Variants in CDC7 observed in about 807,000 individuals in gnomAD.
The protein encoded by CDC7 is cell division cycle 7, also known as cell division cycle 7-related protein kinase.
Under a neutral mutation model 53.5 loss-of-function variants are expected in CDC7, and 34 were observed. The ratio of observed to expected loss-of-function variants is 0.64; its 90% confidence interval spans 0.48 to 0.85. CDC7 has a LOEUF of 0.85. CDC7 is among the 40% of genes least tolerant of loss of function. The pLI is 0.00. For missense variants in CDC7, 594 were observed against 679.7 expected (o/e 0.87, Z 1.40); for synonymous variants, 211 against 222.8 (o/e 0.95, Z 0.47).
intron 10 of CDC7, among the ~76,000 whole-genome samples, chr1:91,519,348 G>C (rs1237379911): frequency 2.0e-5 from 3 of 150,290 alleles, no homozygotes; most frequent in African/African-American, 7.3e-5. Flanking sequence ...AGAATTGCTT[G>C]AACCTGGGAG....
intron 11 of CDC7, among the ~76,000 whole-genome samples, chr1:91,521,649 T>G (rs1667953159): frequency 6.6e-6 from 1 of 152,216 alleles, no homozygotes; most frequent in Admixed American, 6.5e-5. Context: ...GAGAAAACTT[T>G]CATCTACTAT....
In CDC7 at chr1:91,524,720, CAT is replaced by C. The variant is rs141123111; in HGVS notation, c.*289_*290del. ...AGCTTCCCTAATTACCTTTCACTGA[CAT>C]ATACAGAAAAAGGAGCAGTTTTAGT... On this transcript the variant is annotated 3_prime_UTR_variant, in exon 12 of 12. Coordinates refer to ENST00000234626, the MANE Select transcript of CDC7 (RefSeq NM_003503.4). The C allele has an allele frequency of 0.014, 3,964 of 288,598 alleles. 166 individuals are homozygous for C. The highest frequency in any genetic ancestry group is 0.079 in the African/African-American group (3,616 of 45,868). The allele number at this position is 288,598 out of a possible 1,614,324, so 17.9% of individuals were successfully genotyped here.
intron 11 of CDC7, among the ~76,000 whole-genome samples, chr1:91,522,457 C>T (rs547687694): frequency 6.6e-6 from 1 of 152,114 alleles, no homozygotes; most frequent in Admixed American, 6.5e-5. Context: ...AAAGAAAAGT[C>T]TTGAGCTGAA....
intron 6 of CDC7, among the ~76,000 whole-genome samples, chr1:91,512,765 A>G (rs1667350225): frequency 1.3e-5 from 2 of 152,124 alleles, no homozygotes; most frequent in Admixed American, 1.3e-4. Context: ...TGCCACCATC[A>G]GAGAACAACG....
intron 10 of CDC7, among the ~76,000 whole-genome samples, chr1:91,518,777 G>A (rs948810695): frequency 6.6e-6 from 1 of 151,994 alleles, no homozygotes. Flanking sequence ...CAGCTGATGG[G>A]TACAAAAAAT....
In CDC7 at chr1:91,511,466, T is replaced by C. The variant is rs527292224; in HGVS notation, c.336-131T>C. The C allele has an allele frequency of 1.9e-3, 1,088 of 581,512 alleles. 30 individuals carry two copies. The South Asian group carries it at 0.027, about 15-fold the overall frequency. 36.0% of individuals were successfully genotyped at this position (581,512 alleles called of 1,614,324 possible). A position where few individuals can be genotyped will look rare whatever the true frequency, so the allele number is the denominator to read the frequency against. ...ACACAAGTCACTTGTGTTTATATTA[T>C]GTGATGATGATTTAAGTCAGTTTTC... On this transcript the variant is annotated intron_variant, in intron 4 of 11. Coordinates refer to ENST00000234626, the MANE Select transcript of CDC7 (RefSeq NM_003503.4).
At chr1:91,511,315 T>TAA (rs1461396751) in intron 4 of CDC7, among the ~76,000 whole-genome samples, 1 of 152,128 alleles carries the variant, frequency 6.6e-6, no homozygotes, top group Admixed American at 6.6e-5. Flanking sequence ...TAAGTCTTAT[T>TAA]AATCTTTTCC....
chr1:91,512,478 G>A (rs1456013558), intron 6 of CDC7, among the ~76,000 whole-genome samples: 2 of 151,900 alleles, frequency 1.3e-5, no homozygotes, highest in African/African-American at 2.4e-5. Flanking sequence ...TGAGGGGATT[G>A]GACCACATGA....
At chr1:91,518,354 G>C (rs1322215974) in intron 10 of CDC7, among the ~76,000 whole-genome samples, 1 of 152,018 alleles carries the variant, frequency 6.6e-6, no homozygotes, top group Non-Finnish European at 1.5e-5. Flanking sequence ...TAAAAATAGA[G>C]CTACTACATG....
chr1:91,507,117 T>G lies in CDC7; in HGVS notation c.116-737T>G, dbSNP rs79811803. Among the ~76,000 whole-genome samples, 681 of 152,278 alleles carry G rather than the reference T, an allele frequency of 4.5e-3. 2 individuals carry two copies. The highest frequency in any genetic ancestry group is 0.016 in the African/African-American group (651 of 41,562). Reference sequence around the variant, plus strand: ...TAGGAAGACCTCAAAAGATACTGCATGTGCCGGTGCTTTGAAAATGTCTTA... The same window carrying G: ...TAGGAAGACCTCAAAAGATACTGCAGGTGCCGGTGCTTTGAAAATGTCTTA... On this transcript the variant is annotated intron_variant, in intron 2 of 11. Coordinates refer to ENST00000234626, the MANE Select transcript of CDC7 (RefSeq NM_003503.4).
rs2102416646 is a variant in CDC7, at chr1:91,524,692, T to C, written c.*257T>C. ...AGGTGGGTTCCTATTAGGTCAGATT[T>C]TTAGCTTCCCTAATTACCTTTCACT... On this transcript the variant is annotated 3_prime_UTR_variant, in exon 12 of 12. Transcript: ENST00000234626. 1 of 363,410 alleles carries C rather than the reference T, an allele frequency of 2.8e-6. No homozygotes were observed. Among genetic ancestry groups the C allele is most frequent in the East Asian group, 4.5e-5 (1 of 22,248 alleles). The allele number at this position is 363,410 out of a possible 1,614,324, so 22.5% of individuals were successfully genotyped here. A position where few individuals can be genotyped will look rare whatever the true frequency, so the allele number is the denominator to read the frequency against.
At chr1:91,513,431 A>G (rs111394258) in intron 7 of CDC7, 124 bp downstream of exon 7, 12 of 707,890 alleles carry the variant, frequency 1.7e-5, no homozygotes, top group South Asian at 1.0e-4. Context: ...TGCATTTGTT[A>G]TATGTATTCA....
rs1461962131 is a variant in CDC7, at chr1:91,511,647, A to G, written c.386A>G (p.His129Arg). ...GVKYCFRKND[H>R]VVIAMPYLEH... is the part of the protein sequence containing the mutation. ...AAATACTGCTTTAGGAAGAATGATC[A>G]TGTAGTTATTGCTATGCCATATCTG... is the stretch of plus-strand genomic sequence containing the variant. The change falls in exon 5 of 12, where the codon CAT becomes CGT. Residue 129 changes from histidine to arginine, a missense_variant. Transcript: ENST00000234626. The G allele has an allele frequency of 1.2e-6, 2 of 1,611,520 alleles. No individual in the cohort carries two copies. Among genetic ancestry groups the G allele is most frequent in the Non-Finnish European group, 1.7e-6 (2 of 1,178,088 alleles).
At chr1:91,512,123 T>G (rs1667318850) in intron 6 of CDC7, among the ~76,000 whole-genome samples, 200 bp downstream of exon 6, 1 of 152,108 alleles carries the variant, frequency 6.6e-6, no homozygotes, top group South Asian at 2.1e-4. Context: ...AGTATGAATC[T>G]CATATACAGT....
chr1:91,511,972 A>C lies in CDC7; in HGVS notation c.572+49A>C, dbSNP rs773145959. ...AATATTTATCCTATTTCTTTTAAAA[A>C]ACAATTTTATTGTCTATATTTAAGG... is the stretch of plus-strand genomic sequence containing the variant. On this transcript the variant is annotated intron_variant, in intron 6 of 11. Transcript: ENST00000234626. The C allele has an allele frequency of 2.9e-6, 4 of 1,377,416 alleles. No homozygotes were observed. In the Admixed American group the frequency reaches 8.0e-5, roughly 27 times the overall value. The allele number at this position is 1,377,416 out of a possible 1,614,324, so 85.3% of individuals were successfully genotyped here.
intron 6 of CDC7, 143 bp downstream of exon 6, chr1:91,512,066 AT>A (rs1667317147): frequency 1.4e-5 from 9 of 633,214 alleles, no homozygotes; most frequent in Non-Finnish European, 2.3e-5. Context: ...TCAGTTACCC[AT>A]CTTATTTTTG....
rs1232262774 is a variant in CDC7, at chr1:91,520,255, A to G, written c.1306A>G (p.Thr436Ala). 6.2e-7 allele frequency: 1 copy of G among 1,604,698 alleles called. No homozygotes were observed. The highest frequency in any genetic ancestry group is 8.5e-7 in the Non-Finnish European group (1 of 1,176,256). ...TATGACAATTAGGGGATCCAGAGAA[A>G]CTATCCAAGCTGCTAAAACTTTTGG... ...QIMTIRGSRE[T>A]IQAAKTFGKS... The change falls in exon 11 of 12, where the codon ACT becomes GCT. Residue 436 changes from threonine (T) to alanine (A), a missense_variant. Transcript: ENST00000234626.
Position 91,503,323 on chromosome 1 carries a change from C to CG in CDC7, c.115+1492_115+1493insG, listed in dbSNP as rs546753640. On this transcript the variant is annotated intron_variant, in intron 2 of 11. Coordinates refer to ENST00000234626, the MANE Select transcript of CDC7 (RefSeq NM_003503.4). Reference sequence around the variant, plus strand: ...CTTATGGTTCTTTTTTAAATATGATCTTAATAACAGCTAAAGTTATATAAA... The same window carrying CG: ...CTTATGGTTCTTTTTTAAATATGATCGTTAATAACAGCTAAAGTTATATAAA... Among the ~76,000 whole-genome samples, 101 of 152,230 alleles carry CG rather than the reference C, an allele frequency of 6.6e-4. No individual in the cohort carries two copies. In the East Asian group the frequency reaches 0.016, roughly 24 times the overall value.
intron 2 of CDC7, among the ~76,000 whole-genome samples, chr1:91,504,030 A>G (rs967180403): frequency 3.3e-5 from 5 of 151,998 alleles, no homozygotes; most frequent in African/African-American, 1.2e-4. Flanking sequence ...TTTTCCTATT[A>G]AGAAAAATGC....
Sources: allele counts gnomAD v4.1 joint callset (sites outside exome capture counted in the v4.1 genomes callset), GRCh38; gene constraint gnomAD v4.1.1; transcripts MANE v1.5; gene names NCBI Gene and HGNC (gene_info 2026-07-23, HGNC 2026-07-21).